Variants in UBA3 observed in about 807,000 individuals in gnomAD.
UBA3 encodes the protein NEDD8-activating enzyme E1 catalytic subunit.
In UBA3, 26 loss-of-function variants were observed where a neutral mutation model predicts 73.5. The observed-to-expected ratio is 0.35, with a 90% CI of 0.26 to 0.49. The LOEUF is 0.49. Ranked by LOEUF, UBA3 falls within the 20% of genes least tolerant of loss-of-function variation. UBA3 has a pLI of 0.98. For synonymous variants in UBA3, 217 were observed against 191.2 expected (o/e 1.13, Z -1.11); for missense variants, 495 against 555.6 (o/e 0.89, Z 1.10).
intron 11 of UBA3, among the ~76,000 whole-genome samples, chr3:69,057,639 A>C (rs572708478): frequency 1.3e-5 from 2 of 152,342 alleles, no homozygotes; most frequent in East Asian, 3.9e-4. Context: ...CAACATCTTC[A>C]TGTTAATTAC....
chr3:69,064,119 C>A lies in UBA3; in HGVS notation c.429-8G>T. The A allele has an allele frequency of 1.9e-6, 3 of 1,596,302 alleles. No homozygotes were observed. Among genetic ancestry groups the A allele is most frequent in the Non-Finnish European group, 2.6e-6 (3 of 1,173,272 alleles). ...TGAATCTTGTTGAAATGTCTGAATA[C>A]AAGTAAAGGAACTTAAGCAGCTAAG... is the stretch of plus-strand genomic sequence containing the variant. On this transcript the variant is annotated splice_region_variant and splice_polypyrimidine_tract_variant and intron_variant, in intron 6 of 17. Transcript: ENST00000361055.
chr3:69,059,117 G>A (rs981245951), intron 11 of UBA3, among the ~76,000 whole-genome samples: 4 of 152,196 alleles, frequency 2.6e-5, no homozygotes, highest in African/African-American at 9.6e-5. Flanking sequence ...CATTTTGATA[G>A]GGGAGATAAC....
intron 2 of UBA3, among the ~76,000 whole-genome samples, chr3:69,078,618 T>G (rs2092189931): frequency 6.6e-6 from 1 of 152,074 alleles, no homozygotes; most frequent in Non-Finnish European, 1.5e-5. Context: ...TGCCTACAGG[T>G]ACATGCCACC....
Position 69,055,467 on chromosome 3 carries a change from A to C in UBA3, c.1362T>G (p.Thr454=), listed in dbSNP as rs781726082. The change falls in exon 18 of 18, where the codon ACT becomes ACG. Residue 454 remains threonine, a synonymous_variant. Transcript: ENST00000361055. ...LAVADVTTPQ[T]VLFKLHFTS ...AAGTAAAATGAAGTTTGAATAGTAC[A>C]GTCTGTGGGGTGGTGACATCAGCAA... 19 of 1,565,450 alleles carry C rather than the reference A, an allele frequency of 1.2e-5. No homozygotes were observed. Among genetic ancestry groups the C allele is most frequent in the Admixed American group, 4.4e-5 (2 of 45,474 alleles).
In UBA3 at chr3:69,057,170, C is replaced by T. The variant is rs529338040; in HGVS notation, c.964+86G>A. On this transcript the variant is annotated intron_variant, in intron 12 of 17. Coordinates refer to ENST00000361055, the MANE Select transcript of UBA3 (RefSeq NM_003968.4). ...TTACACAACCCATCCAAGAAGATAT[C>T]AAATTCCTACAACACAAAAAAGCTG... The T allele has an allele frequency of 5.1e-6, 7 of 1,365,460 alleles. No individual in the cohort carries two copies. The East Asian group carries it at 1.6e-4, about 32-fold the overall frequency. The allele number at this position is 1,365,460 out of a possible 1,614,324, so 84.6% of individuals were successfully genotyped here.
In UBA3 at chr3:69,063,033, C is replaced by G. The variant is rs755517817; in HGVS notation, c.642G>C (p.Leu214=). The change falls in exon 9 of 18, where the codon CTG becomes CTC. Residue 214 remains leucine, a synonymous_variant. Transcript: ENST00000361055. The part of the protein sequence containing the change: ...EGFKGNARVI[L]PGMTACIECT... ...ATTCGATACAAGCAGTCATTCCAGG[C>G]AGAATCACCCGGGCATTTCCTTTAA... 3.7e-6 allele frequency: 6 copies of G among 1,614,066 alleles called. No homozygotes were observed. The highest frequency in any genetic ancestry group is 1.7e-5 in the Admixed American group (1 of 60,016).
At chr3:69,072,994 C>A (rs2092134119) in intron 4 of UBA3, among the ~76,000 whole-genome samples, 1 of 152,146 alleles carries the variant, frequency 6.6e-6, no homozygotes, top group Non-Finnish European at 1.5e-5. Flanking sequence ...ATGCTACCAT[C>A]CTGTTTCAAG....
intron 7 of UBA3, 121 bp from the exon 8 acceptor site, chr3:69,063,624 G>C (rs866832294): frequency 3.6e-6 from 3 of 831,812 alleles, no homozygotes; most frequent in Non-Finnish European, 5.3e-6. Flanking sequence ...GATTAGGAAG[G>C]TAGTGTGTTT....
chr3:69,070,264 C>CA (rs1473941317), intron 5 of UBA3, among the ~76,000 whole-genome samples: 3 of 152,048 alleles, frequency 2.0e-5, no homozygotes, highest in Non-Finnish European at 1.5e-5. Context: ...AAAAAATAAA[C>CA]AAAAAATAAA....
intron 2 of UBA3, among the ~76,000 whole-genome samples, chr3:69,079,531 T>C (rs3755718): frequency 0.4 from 60,847 of 152,108 alleles, 12,668 homozygotes; most frequent in South Asian, 0.45. Context: ...CTCACCAGCA[T>C]AGAATTAAGC....
rs188762908 is a variant in UBA3, at chr3:69,065,545, T to C, written c.429-1434A>G. 3.3e-5 allele frequency among the ~76,000 whole-genome samples: 5 copies of C among 152,312 alleles called. No homozygotes were observed. In the South Asian group the frequency reaches 6.2e-4, roughly 19 times the overall value. On this transcript the variant is annotated intron_variant, in intron 6 of 17. Coordinates refer to ENST00000361055, the MANE Select transcript of UBA3 (RefSeq NM_003968.4). ...GCAGCCTCCACATCCTGGGCTTAAC[T>C]GATCTTCCTGCCTCAGCCTCCCACA...
At chr3:69,058,132 G>T (rs558845182) in intron 11 of UBA3, among the ~76,000 whole-genome samples, 1 of 151,908 alleles carries the variant, frequency 6.6e-6, no homozygotes, top group Non-Finnish European at 1.5e-5. Flanking sequence ...GGGTTTCACC[G>T]TGTTAGCCAC....
At chr3:69,068,772 T>C (rs1440138701) in intron 5 of UBA3, among the ~76,000 whole-genome samples, 1 of 152,140 alleles carries the variant, frequency 6.6e-6, no homozygotes, top group Admixed American at 6.5e-5. Flanking sequence ...AGTTTTGCCA[T>C]GTTGGTCAGG....
intron 17 of UBA3, 72 bp from the exon 18 acceptor site, chr3:69,055,597 A>G: frequency 1.8e-6 from 2 of 1,141,352 alleles, no homozygotes; most frequent in Non-Finnish European, 2.5e-6. Context: ...ATGTAAACAA[A>G]CTACAGAGTA....
chr3:69,061,813 C>A lies in UBA3; in HGVS notation c.910+1G>T. ...TAATTCATGACAATTTGCTGACTTA[C>A]CTTGAGTGAGCCTATACGTAACACC... On this transcript the variant is annotated splice_donor_variant, in intron 11 of 17. Coordinates refer to ENST00000361055, the MANE Select transcript of UBA3 (RefSeq NM_003968.4). LOFTEE classifies it high-confidence loss of function. The A allele has an allele frequency of 6.3e-7, 1 of 1,576,272 alleles. No homozygotes were observed. The highest frequency in any genetic ancestry group is 8.6e-7 in the Non-Finnish European group (1 of 1,161,264).
At chr3:69,078,328 A>C (rs1336378892) in intron 2 of UBA3, among the ~76,000 whole-genome samples, 2 of 152,240 alleles carry the variant, frequency 1.3e-5, no homozygotes, top group Non-Finnish European at 2.9e-5. Flanking sequence ...ACAACAGAGA[A>C]AAAAAGTCAC....
Position 69,056,249 on chromosome 3 carries a change from T to C in UBA3, c.1118A>G (p.Asn373Ser). The C allele has an allele frequency of 6.2e-7, 1 of 1,604,562 alleles. No individual in the cohort carries two copies. Among genetic ancestry groups the C allele is most frequent in the Non-Finnish European group, 8.5e-7 (1 of 1,177,362 alleles). Residue 373 changes from asparagine (N) to serine (S), a missense_variant, in exon 15 of 18, where the codon AAT becomes AGT. Physicochemically the swap from Asn to Ser is conservative, Grantham distance 46. Coordinates refer to ENST00000361055, the MANE Select transcript of UBA3 (RefSeq NM_003968.4). The part of the protein sequence containing the change: ...NCPACSQLPQ[N>S]IQFSPSAKLQ... Reference sequence around the variant, plus strand: ...TTTAGCTGATGGAGAAAACTGAATATTTTGAGGAAGCTGGCTACAAGCTGG... The same window carrying C: ...TTTAGCTGATGGAGAAAACTGAATACTTTGAGGAAGCTGGCTACAAGCTGG...
At chr3:69,067,151 T>A (rs940510647) in intron 6 of UBA3, among the ~76,000 whole-genome samples, 2 of 152,200 alleles carry the variant, frequency 1.3e-5, no homozygotes, top group African/African-American at 2.4e-5. Flanking sequence ...GTATACAAAT[T>A]TAGGGAGAAA....
chr3:69,064,142 A>C (rs772677688), intron 6 of UBA3, 31 bp from the exon 7 acceptor site: 1 of 1,565,818 alleles, frequency 6.4e-7, no homozygotes, highest in Admixed American at 1.9e-5. Context: ...TTAAGCAGCT[A>C]AGTTTTAATT....
Sources: allele counts gnomAD v4.1 joint callset (sites outside exome capture counted in the v4.1 genomes callset), GRCh38; gene constraint gnomAD v4.1.1; transcripts MANE v1.5; gene names NCBI Gene and HGNC (gene_info 2026-07-23, HGNC 2026-07-21).